GRM8: variants seen among roughly 807,000 people sequenced by gnomAD.
The protein encoded by GRM8 is metabotropic glutamate receptor 8.
A neutral mutation model predicts 87.2 loss-of-function variants in GRM8; 47 were observed. The observed-to-expected ratio is 0.54, with a 90% confidence interval of 0.43 to 0.69. GRM8 has a LOEUF of 0.69. Among genes scored for constraint, GRM8 ranks in the 30% least tolerant of loss-of-function variants. The pLI is 0.00. For missense variants in GRM8, 1,019 were observed against 1,139.2 expected (o/e 0.89, Z 1.52); for synonymous variants, 396 against 404.5 (o/e 0.98, Z 0.25).
At chr7:126,537,887 C>T (rs949387810) in intron 8 of GRM8, among the ~76,000 whole-genome samples, 15 of 152,106 alleles carry the variant, frequency 9.9e-5, no homozygotes, top group African/African-American at 2.7e-4. Flanking sequence ...CTGTTTATTG[C>T]TATATTAACA....
At chr7:126,651,545 C>A (rs1321988494) in intron 7 of GRM8, among the ~76,000 whole-genome samples, 1 of 152,118 alleles carries the variant, frequency 6.6e-6, no homozygotes, top group Non-Finnish European at 1.5e-5. Context: ...ATTTTTGCTT[C>A]CTGGTACCGC....
At chr7:127,234,848 G>A (rs1029030436) in intron 2 of GRM8, among the ~76,000 whole-genome samples, 4 of 152,152 alleles carry the variant, frequency 2.6e-5, no homozygotes, top group African/African-American at 9.7e-5. Context: ...ATTACCTTTG[G>A]TTGCAAACAG....
chr7:126,476,788 G>C (rs1052210689), intron 9 of GRM8, among the ~76,000 whole-genome samples: 3 of 151,796 alleles, frequency 2.0e-5, no homozygotes, highest in African/African-American at 7.3e-5. Context: ...ATTGCACACT[G>C]TTCATAGGGA....
chr7:126,439,035 T>G lies in GRM8; in HGVS notation c.*84A>C, dbSNP rs1801147370. Reference sequence around the variant, plus strand: ...TTTGATTGATTGTAGTCTACGGAGATCTCCAGGAGTGAATTTTTGCGGTCT... The same window carrying G: ...TTTGATTGATTGTAGTCTACGGAGAGCTCCAGGAGTGAATTTTTGCGGTCT... On this transcript the variant is annotated 3_prime_UTR_variant, in exon 11 of 11. Transcript: ENST00000339582. The G allele has an allele frequency of 2.4e-6, 2 of 818,516 alleles. No individual in the cohort carries two copies. Among genetic ancestry groups the G allele is most frequent in the Non-Finnish European group, 4.4e-6 (2 of 457,166 alleles). 50.7% of individuals were successfully genotyped at this position (818,516 alleles called of 1,614,324 possible). A position where few individuals can be genotyped will look rare whatever the true frequency, so the allele number is the denominator to read the frequency against.
intron 8 of GRM8, 141 bp from the exon 9 acceptor site, chr7:126,534,028 CCT>C (rs1815288112): frequency 1.7e-5 from 11 of 645,234 alleles, no homozygotes; most frequent in Non-Finnish European, 2.9e-5. Flanking sequence ...TTTTTTTTCC[CCT>C]GATATTGACT....
intron 6 of GRM8, among the ~76,000 whole-genome samples, chr7:126,773,731 C>T (rs1819116801): frequency 1.3e-5 from 2 of 152,002 alleles, no homozygotes; most frequent in African/African-American, 2.4e-5. Context: ...TGTGGTGGCT[C>T]ACAGCTGTAA....
chr7:126,827,657 C>A (rs546187542), intron 6 of GRM8, among the ~76,000 whole-genome samples: 1 of 152,206 alleles, frequency 6.6e-6, no homozygotes, highest in African/African-American at 2.4e-5. Context: ...ATGTCATCTG[C>A]AAACAGAGAC....
intron 3 of GRM8, among the ~76,000 whole-genome samples, chr7:126,914,566 C>T (rs1592372): frequency 1.0e-3 from 152 of 152,290 alleles, no homozygotes; most frequent in African/African-American, 3.5e-3. Context: ...GGTAGCTATA[C>T]ACTGTGTAAT....
At chr7:126,934,760 T>G (rs146996022) in intron 3 of GRM8, among the ~76,000 whole-genome samples, 1 of 152,334 alleles carries the variant, frequency 6.6e-6, no homozygotes, top group East Asian at 1.9e-4. Flanking sequence ...ATCTCACAGT[T>G]AGAGCTTAAT....
At chr7:127,027,953 A>G (rs1816957448) in intron 3 of GRM8, among the ~76,000 whole-genome samples, 1 of 152,176 alleles carries the variant, frequency 6.6e-6, no homozygotes, top group Non-Finnish European at 1.5e-5. Context: ...ATTCACTACA[A>G]TATTGGCTGT....
intron 6 of GRM8, among the ~76,000 whole-genome samples, chr7:126,797,466 T>TA (rs1053960049): frequency 6.6e-6 from 1 of 152,072 alleles, no homozygotes; most frequent in Non-Finnish European, 1.5e-5. Context: ...CTATTTTTTT[T>TA]AAAAAATCAT....
chr7:126,502,955 A>T (rs1329218456), intron 9 of GRM8, among the ~76,000 whole-genome samples: 1 of 152,054 alleles, frequency 6.6e-6, no homozygotes, highest in East Asian at 1.9e-4. Context: ...CCTGGATGTC[A>T]GCACAGGAAT....
At chr7:127,220,287 C>G (rs1439081655) in intron 2 of GRM8, among the ~76,000 whole-genome samples, 2 of 152,250 alleles carry the variant, frequency 1.3e-5, no homozygotes, top group East Asian at 3.9e-4. Flanking sequence ...GCCTCCTCCA[C>G]TGACCAGGGC....
chr7:126,953,195 G>A (rs961697435), intron 3 of GRM8, among the ~76,000 whole-genome samples: 2 of 151,934 alleles, frequency 1.3e-5, no homozygotes, highest in Non-Finnish European at 2.9e-5. Context: ...CCAGGTTGGG[G>A]GAGAAAAAAA....
intron 2 of GRM8, among the ~76,000 whole-genome samples, chr7:127,167,443 T>C (rs1286339025): frequency 6.6e-6 from 1 of 152,138 alleles, no homozygotes; most frequent in Non-Finnish European, 1.5e-5. Context: ...ACTTTACAGA[T>C]ATTCCATTTT....
chr7:126,493,239 C>T (rs910214811), intron 9 of GRM8, among the ~76,000 whole-genome samples: 1 of 151,960 alleles, frequency 6.6e-6, no homozygotes, highest in African/African-American at 2.4e-5. Context: ...GAAAGCAGGG[C>T]TATGTTACAA....
intron 2 of GRM8, 109 bp downstream of exon 2, chr7:127,242,586 G>T (rs1217375379): frequency 2.0e-6 from 2 of 1,014,954 alleles, no homozygotes; most frequent in East Asian, 2.4e-5. Context: ...AACACCAAAA[G>T]GGTCTATGAG....
intron 6 of GRM8, among the ~76,000 whole-genome samples, chr7:126,861,527 C>T (rs1798137491): frequency 6.6e-6 from 1 of 151,918 alleles, no homozygotes; most frequent in African/African-American, 2.4e-5. Context: ...TTGATAATTT[C>T]CAATTCCCTA....
intron 2 of GRM8, among the ~76,000 whole-genome samples, chr7:127,114,941 A>G (rs534883660): frequency 9.2e-4 from 140 of 152,288 alleles, no homozygotes; most frequent in Admixed American, 4.6e-3. Flanking sequence ...AAGGCAGTGG[A>G]AAGCCACAAC....
Sources: allele counts gnomAD v4.1 joint callset (sites outside exome capture counted in the v4.1 genomes callset), GRCh38; gene constraint gnomAD v4.1.1; transcripts MANE v1.5; gene names NCBI Gene and HGNC (gene_info 2026-07-23, HGNC 2026-07-21).